Variants in MAGI2 observed in about 807,000 individuals in gnomAD.
The protein encoded by MAGI2 is membrane associated guanylate kinase, WW and PDZ domain containing 2.
A neutral mutation model predicts 133.3 loss-of-function variants in MAGI2; 35 were observed. The ratio of observed to expected loss-of-function variants is 0.26; its 90% CI spans 0.20 to 0.35. The LOEUF (loss-of-function observed/expected upper bound fraction) is 0.35, where lower values mean the gene tolerates loss of function less well. Ranked by LOEUF, MAGI2 falls within the 10% of genes least tolerant of loss-of-function variation. The probability of loss-of-function intolerance (pLI) is 1.00; values close to 1 mark genes in which losing one functional copy is unlikely to be tolerated. For synonymous variants in MAGI2, 729 were observed against 710.6 expected (o/e 1.03, Z -0.41); for missense variants, 1,636 against 1,863.4 (o/e 0.88, Z 2.25).
At chr7:78,770,716 C>T (rs573138989) in intron 2 of MAGI2, 1 of 152,362 alleles carries the variant, frequency 6.6e-6, no homozygotes, top group Non-Finnish European at 1.5e-5. Context: ...AGTTTAGGTT[C>T]ACATCTGGTG....
At chr7:78,655,500 C>G (rs1389366443) in intron 2 of MAGI2, among the ~76,000 whole-genome samples, 1 of 139,152 alleles carries the variant, frequency 7.2e-6, no homozygotes, top group Non-Finnish European at 1.5e-5. Context: ...TGCAGGTAAC[C>G]TGCTCTTACA....
chr7:78,241,730 C>T (rs953592261), intron 10 of MAGI2, among the ~76,000 whole-genome samples: 1 of 151,838 alleles, frequency 6.6e-6, no homozygotes, highest in Admixed American at 6.6e-5. Flanking sequence ...GTCAGGAGTT[C>T]GAGACCAGCC....
intron 2 of MAGI2, among the ~76,000 whole-genome samples, chr7:78,697,122 T>C (rs1299343419): frequency 1.3e-5 from 2 of 152,242 alleles, no homozygotes; most frequent in Non-Finnish European, 2.9e-5. Flanking sequence ...TTTTTCCTTT[T>C]CATCTCTCTA....
chr7:79,218,200 A>G (rs1585231861), intron 1 of MAGI2, among the ~76,000 whole-genome samples: 1 of 151,990 alleles, frequency 6.6e-6, no homozygotes, highest in Admixed American at 6.6e-5. Context: ...GACTGCATGA[A>G]TACTTTGTAT....
intron 3 of MAGI2, among the ~76,000 whole-genome samples, chr7:78,535,192 A>G (rs1236107202): frequency 1.3e-5 from 2 of 152,162 alleles, no homozygotes; most frequent in East Asian, 3.9e-4. Flanking sequence ...AGGTACAGAG[A>G]GGAAAAAGCA....
At chr7:78,032,370 A>G (rs2151063963) in intron 21 of MAGI2, among the ~76,000 whole-genome samples, 1 of 152,112 alleles carries the variant, frequency 6.6e-6, no homozygotes, top group African/African-American at 2.4e-5. Context: ...ATGCGCCAAC[A>G]CACCTGGGTA....
chr7:78,449,660 G>A (rs1054743271), intron 6 of MAGI2, among the ~76,000 whole-genome samples: 2 of 151,884 alleles, frequency 1.3e-5, no homozygotes, highest in African/African-American at 4.8e-5. Context: ...CTATCTGAAC[G>A]CGTGTGGCTT....
At chr7:78,139,901 A>G (rs1822569825) in intron 16 of MAGI2, among the ~76,000 whole-genome samples, 1 of 152,206 alleles carries the variant, frequency 6.6e-6, no homozygotes, top group Non-Finnish European at 1.5e-5. Context: ...ATATTTTCCC[A>G]TAGATGAATG....
intron 20 of MAGI2, among the ~76,000 whole-genome samples, chr7:78,106,256 C>A (rs1038849684): frequency 6.6e-6 from 1 of 151,966 alleles, no homozygotes; most frequent in Non-Finnish European, 1.5e-5. Context: ...TTTATTCATC[C>A]ATTGACGGAC....
At chr7:78,589,128 A>G (rs1160340548) in intron 3 of MAGI2, among the ~76,000 whole-genome samples, 9 of 152,168 alleles carry the variant, frequency 5.9e-5, no homozygotes, top group Admixed American at 5.9e-4. Flanking sequence ...TGATAATTTT[A>G]CGGTCTGGCC....
chr7:79,453,327 G>C lies in MAGI2; in HGVS notation c.-7C>G. 1 of 1,598,028 alleles carries C rather than the reference G, an allele frequency of 6.3e-7. No individual in the cohort carries two copies. Among genetic ancestry groups the C allele is most frequent in the Non-Finnish European group, 8.5e-7 (1 of 1,171,162 alleles). On this transcript the variant is annotated 5_prime_UTR_variant, in exon 1 of 22. Coordinates refer to ENST00000354212, the MANE Select transcript of MAGI2 (RefSeq NM_012301.4). ...TTTTCAAGCTTTTGGACATGGCAGT[G>C]GGGCGAGTCGCCTCAGTTCCTGGGC...
intron 1 of MAGI2, among the ~76,000 whole-genome samples, chr7:79,093,605 C>T (rs977331079): frequency 6.6e-6 from 1 of 152,034 alleles, no homozygotes; most frequent in South Asian, 2.1e-4. Flanking sequence ...GTTAGAGAGT[C>T]TTGCCTCAAC....
chr7:79,347,036 T>C (rs1443113180), intron 1 of MAGI2, among the ~76,000 whole-genome samples: 2 of 151,916 alleles, frequency 1.3e-5, no homozygotes, highest in Non-Finnish European at 2.9e-5. Context: ...TTCGCAGCCA[T>C]GATCCCATCA....
intron 1 of MAGI2, among the ~76,000 whole-genome samples, chr7:79,050,261 C>A (rs1469576712): frequency 6.6e-6 from 1 of 152,142 alleles, no homozygotes; most frequent in Non-Finnish European, 1.5e-5. Context: ...GTTCATTTAA[C>A]ATCAACATAA....
At chr7:78,800,928 ACAGC>A (rs1392986453) in intron 2 of MAGI2, among the ~76,000 whole-genome samples, 1 of 152,182 alleles carries the variant, frequency 6.6e-6, no homozygotes, top group Non-Finnish European at 1.5e-5. Flanking sequence ...GATGAAATTA[ACAGC>A]CATATTTAAA....
chr7:78,292,363 A>C (rs1324423438), intron 9 of MAGI2, among the ~76,000 whole-genome samples: 1 of 152,202 alleles, frequency 6.6e-6, no homozygotes, highest in Non-Finnish European at 1.5e-5. Context: ...ATACCTAGGA[A>C]TCCAACTTAC....
chr7:78,506,008 G>C (rs1795053037), intron 4 of MAGI2, among the ~76,000 whole-genome samples: 1 of 152,110 alleles, frequency 6.6e-6, no homozygotes, highest in African/African-American at 2.4e-5. Context: ...AGTGTGTCCT[G>C]AGAGCAAAGA....
intron 4 of MAGI2, among the ~76,000 whole-genome samples, chr7:78,515,399 G>GAT (rs995892836): frequency 1.3e-5 from 2 of 151,928 alleles, no homozygotes; most frequent in Non-Finnish European, 2.9e-5. Flanking sequence ...TAGGATCAGG[G>GAT]ATATATCCTT....
chr7:78,743,537 ATTCT>A (rs1563442026), intron 2 of MAGI2, among the ~76,000 whole-genome samples: 1 of 152,192 alleles, frequency 6.6e-6, no homozygotes, highest in Non-Finnish European at 1.5e-5. Flanking sequence ...ATGAGATCTA[ATTCT>A]TTATTTTTGC....
Sources: allele counts gnomAD v4.1 joint callset (sites outside exome capture counted in the v4.1 genomes callset), GRCh38; gene constraint gnomAD v4.1.1; transcripts MANE v1.5; gene names NCBI Gene and HGNC (gene_info 2026-07-23, HGNC 2026-07-21).